INO80D: variants seen among roughly 807,000 people sequenced by gnomAD.
The protein encoded by INO80D is INO80 complex subunit D.
In INO80D, 21 loss-of-function variants were observed where a neutral mutation model predicts 87.6. The observed-to-expected ratio is 0.24, with a 90% confidence interval of 0.17 to 0.35. INO80D has a LOEUF of 0.35. Among genes scored for constraint, INO80D ranks in the 10% least tolerant of loss-of-function variants. INO80D has a pLI of 1.00. For synonymous variants in INO80D, 440 were observed against 491.0 expected, an observed-to-expected ratio of 0.90 and a Z score of 1.37; for missense variants, 982 against 1,280.7, an observed-to-expected ratio of 0.77 and a Z score of 3.56.
chr2:206,011,636 C>T (rs143835374), intron 8 of INO80D, among the ~76,000 whole-genome samples: 1 of 152,292 alleles, frequency 6.6e-6, no homozygotes, highest in African/African-American at 2.4e-5. Context: ...GCCTGACAGC[C>T]GGGACTTCCT....
intron 6 of INO80D, among the ~76,000 whole-genome samples, chr2:206,020,419 A>T (rs1688429289): frequency 6.6e-6 from 1 of 152,190 alleles, no homozygotes; most frequent in African/African-American, 2.4e-5. Context: ...TATCGCCACC[A>T]TTAGGAATTG....
intron 4 of INO80D, among the ~76,000 whole-genome samples, chr2:206,053,488 T>C (rs1194253898): frequency 3.3e-5 from 5 of 152,192 alleles, no homozygotes; most frequent in African/African-American, 1.2e-4. Flanking sequence ...TGTTTATAAA[T>C]TTTTTAACTT....
At position 205,995,167 on chromosome 2, in the gene INO80D, A is replaced by G. The variant is rs1687787648; in HGVS notation, c.*9201T>C. 1 of 152,164 alleles carries G rather than the reference A, an allele frequency of 6.6e-6. No homozygotes were observed. Among genetic ancestry groups the G allele is most frequent in the African/African-American group, 2.4e-5 (1 of 41,434 alleles). 9.4% of individuals were successfully genotyped at this position (152,164 alleles called of 1,614,324 possible). A position where few individuals can be genotyped will look rare whatever the true frequency, so the allele number is the denominator to read the frequency against. On this transcript the variant is annotated 3_prime_UTR_variant, in exon 11 of 11. Coordinates refer to ENST00000403263, the MANE Select transcript of INO80D (RefSeq NM_017759.5). ...GACATACACTAACGGAAATATTAGG[A>G]TTGCTTTATAAGTGAAATAAACAGT...
chr2:206,054,699 G>A (rs1468183507), intron 4 of INO80D, among the ~76,000 whole-genome samples: 1 of 151,420 alleles, frequency 6.6e-6, no homozygotes, highest in East Asian at 2.0e-4. Context: ...TTTTTAGTAG[G>A]GACAGGGTTT....
rs561599596 is a variant in INO80D at position 206,043,325 on chromosome 2, C to T, written c.1073+3179G>A. Among the ~76,000 whole-genome samples the T allele has an allele frequency of 2.0e-5, 3 of 152,110 alleles. No homozygotes were observed. In the East Asian group the frequency reaches 5.8e-4, roughly 30 times the overall value. On this transcript the variant is annotated intron_variant, in intron 5 of 10. Coordinates refer to ENST00000403263, the MANE Select transcript of INO80D (RefSeq NM_017759.5). ...TAGCTGGGATTACAGGTGTGCACCA[C>T]CACACCCGATTAATTTTTGTGTTTT...
intron 6 of INO80D, among the ~76,000 whole-genome samples, chr2:206,026,641 TTATA>T (rs1162037119): frequency 6.7e-6 from 1 of 149,450 alleles, no homozygotes; most frequent in African/African-American, 2.4e-5. Flanking sequence ...ACAACAGATA[TTATA>T]TATATTTTAT....
chr2:205,993,929 T>C lies in INO80D; in HGVS notation c.*10439A>G, dbSNP rs1453814376. 2 of 152,194 alleles carry C rather than the reference T, an allele frequency of 1.3e-5. No individual in the cohort carries two copies. The highest frequency in any genetic ancestry group is 2.9e-5 in the Non-Finnish European group (2 of 68,038). The allele number at this position is 152,194 out of a possible 1,614,324, so 9.4% of individuals were successfully genotyped here. A position where few individuals can be genotyped will look rare whatever the true frequency, so the allele number is the denominator to read the frequency against. ...CAGATAACAAAAGGAGACCAATTCATTATTATTTCATCAAATTTTTAAAAC... is the reference window on the plus strand; with the variant it reads ...CAGATAACAAAAGGAGACCAATTCACTATTATTTCATCAAATTTTTAAAAC... On this transcript the variant is annotated 3_prime_UTR_variant, in exon 11 of 11. Coordinates refer to ENST00000403263, the MANE Select transcript of INO80D (RefSeq NM_017759.5).
rs1688520500 is a variant in INO80D, at chr2:206,023,462, T to G, written c.1299-3617A>C. On this transcript the variant is annotated intron_variant, in intron 6 of 10. Transcript: ENST00000403263. ...ACTTTGGGAGGCCGGGGGAGGCAGA[T>G]CACGAGGTCAGGAGTTCATGACCAG... Among the ~76,000 whole-genome samples the G allele has an allele frequency of 4.0e-5, 6 of 151,674 alleles. No individual in the cohort carries two copies. The South Asian group carries it at 1.3e-3, about 32-fold the overall frequency.
At chr2:206,058,488 A>G (rs1011835614) in intron 3 of INO80D, among the ~76,000 whole-genome samples, 10 of 151,554 alleles carry the variant, frequency 6.6e-5, no homozygotes, top group African/African-American at 2.4e-4. Flanking sequence ...TAATCCCAGC[A>G]CTTTGGGAGG....
chr2:206,012,240 G>A (rs1688195122), intron 8 of INO80D, among the ~76,000 whole-genome samples: 1 of 152,332 alleles, frequency 6.6e-6, no homozygotes, highest in East Asian at 1.9e-4. Flanking sequence ...AGTGGGGATG[G>A]AGTAAAGGGA....
At chr2:206,077,940 C>T (rs1188876799) in intron 1 of INO80D, among the ~76,000 whole-genome samples, 2 of 151,572 alleles carry the variant, frequency 1.3e-5, no homozygotes, top group African/African-American at 2.4e-5. Context: ...CTCCAAGGTT[C>T]GTTTAATCTT....
At chr2:206,038,216 C>T (rs1688942402) in intron 5 of INO80D, among the ~76,000 whole-genome samples, 1 of 152,082 alleles carries the variant, frequency 6.6e-6, no homozygotes, top group Admixed American at 6.6e-5. Context: ...GCATGTGTAC[C>T]CCATAAATGT....
intron 1 of INO80D, among the ~76,000 whole-genome samples, chr2:206,073,984 C>T (rs117100453): frequency 0.053 from 8,041 of 152,142 alleles, 266 homozygotes; most frequent in African/African-American, 0.086. Context: ...GCTGGGATTA[C>T]AGGCGTGAAC....
intron 4 of INO80D, among the ~76,000 whole-genome samples, chr2:206,054,685 T>G (rs922132975): frequency 2.0e-5 from 3 of 152,146 alleles, no homozygotes; most frequent in Non-Finnish European, 2.9e-5. Context: ...GGCTATTTTT[T>G]GCATTTTTAG....
chr2:206,073,299 A>G (rs555510225), intron 1 of INO80D, among the ~76,000 whole-genome samples: 4 of 152,182 alleles, frequency 2.6e-5, no homozygotes, highest in East Asian at 3.9e-4. Flanking sequence ...AAAATCCTAC[A>G]TATTTTTCAC....
chr2:206,026,016 A>G (rs1376386974), intron 6 of INO80D, among the ~76,000 whole-genome samples: 1 of 151,726 alleles, frequency 6.6e-6, no homozygotes, highest in Non-Finnish European at 1.5e-5. Flanking sequence ...TCCCACCTCA[A>G]CGTTCCTAGT....
chr2:206,084,347 GT>G (rs1304636421), intron 1 of INO80D, among the ~76,000 whole-genome samples: 1 of 151,750 alleles, frequency 6.6e-6, no homozygotes, highest in Admixed American at 6.6e-5. Context: ...GCAATAACAA[GT>G]TTAGGTTTCC....
intron 5 of INO80D, among the ~76,000 whole-genome samples, chr2:206,041,233 TAA>T (rs1472200874): frequency 6.6e-6 from 1 of 152,002 alleles, no homozygotes; most frequent in African/African-American, 2.4e-5. Flanking sequence ...ATATTAAATT[TAA>T]GTTGTCTAAA....
chr2:206,078,896 G>A (rs1022389261), intron 1 of INO80D, among the ~76,000 whole-genome samples: 4 of 152,034 alleles, frequency 2.6e-5, no homozygotes, highest in East Asian at 3.9e-4. Flanking sequence ...TGAGCCAATC[G>A]CACCACTGCA....
Sources: allele counts gnomAD v4.1 joint callset (sites outside exome capture counted in the v4.1 genomes callset), GRCh38; gene constraint gnomAD v4.1.1; transcripts MANE v1.5; gene names NCBI Gene and HGNC (gene_info 2026-07-23, HGNC 2026-07-21).